The following PTPRD variants were observed in gnomAD, a reference collection of about 807,000 sequenced individuals.
PTPRD encodes the protein receptor-type tyrosine-protein phosphatase delta.
Under a neutral mutation model 214.5 loss-of-function variants are expected in PTPRD, and 34 were observed. The ratio of observed to expected loss-of-function variants is 0.16; its 90% CI spans 0.12 to 0.21. The LOEUF (loss-of-function observed/expected upper bound fraction) is 0.21. Ranked by LOEUF, PTPRD falls within the 10% of genes least tolerant of loss-of-function variation. The pLI is 1.00. For synonymous variants in PTPRD, 1,128 were observed against 845.7 expected, an observed-to-expected ratio of 1.33 and a Z score of -5.79; for missense variants, 2,545 against 2,398.7, an observed-to-expected ratio of 1.06 and a Z score of -1.27.
chr9:9,067,224 C>G (rs1409297933), intron 10 of PTPRD, among the ~76,000 whole-genome samples: 2 of 152,260 alleles, frequency 1.3e-5, no homozygotes, highest in East Asian at 1.9e-4. Context: ...GAGTGAGACT[C>G]CGTCTCAAAA....
intron 12 of PTPRD, among the ~76,000 whole-genome samples, chr9:8,683,093 G>A (rs772297056): frequency 1.4e-4 from 22 of 152,138 alleles, no homozygotes; most frequent in Non-Finnish European, 2.8e-4. Flanking sequence ...ACTTTTGTAA[G>A]AGGAATATAA....
chr9:9,853,604 G>A (rs953221114), intron 5 of PTPRD, among the ~76,000 whole-genome samples: 2 of 151,712 alleles, frequency 1.3e-5, no homozygotes, highest in East Asian at 1.9e-4. Context: ...GCTGGAGTGC[G>A]GTGGTACTAT....
At chr9:10,425,723 T>C (rs1453828470) in intron 2 of PTPRD, among the ~76,000 whole-genome samples, 1 of 151,970 alleles carries the variant, frequency 6.6e-6, no homozygotes, top group Admixed American at 6.6e-5. Context: ...TGAGCCACAC[T>C]TCACGGCTCA....
chr9:8,929,843 G>GTATATA (rs1588232576), intron 11 of PTPRD, among the ~76,000 whole-genome samples: 1 of 46,236 alleles, frequency 2.2e-5, no homozygotes. Flanking sequence ...GTATATATAT[G>GTATATA]TGTGTATATA....
chr9:9,438,519 G>A (rs2086215946), intron 8 of PTPRD, among the ~76,000 whole-genome samples: 1 of 152,150 alleles, frequency 6.6e-6, no homozygotes, highest in Non-Finnish European at 1.5e-5. Flanking sequence ...TGTACAGGCA[G>A]TTCACAAAGG....
At chr9:10,126,436 C>CAT (rs1418997299) in intron 3 of PTPRD, among the ~76,000 whole-genome samples, 1 of 136,488 alleles carries the variant, frequency 7.3e-6, no homozygotes, top group Non-Finnish European at 1.7e-5. Flanking sequence ...TACACACACA[C>CAT]ACACACACAC....
chr9:9,875,404 A>G (rs1026412018), intron 5 of PTPRD, among the ~76,000 whole-genome samples: 1 of 152,112 alleles, frequency 6.6e-6, no homozygotes, highest in Non-Finnish European at 1.5e-5. Flanking sequence ...CTTTAAAAAT[A>G]CAAAGGCTGG....
At chr9:9,149,029 G>T (rs1436345954) in intron 10 of PTPRD, among the ~76,000 whole-genome samples, 1 of 152,250 alleles carries the variant, frequency 6.6e-6, no homozygotes, top group Non-Finnish European at 1.5e-5. Flanking sequence ...TTATAATGAA[G>T]AACTTTATTT....
chr9:8,882,705 T>C (rs1023481770), intron 11 of PTPRD, among the ~76,000 whole-genome samples: 2 of 151,620 alleles, frequency 1.3e-5, no homozygotes, highest in Non-Finnish European at 2.9e-5. Flanking sequence ...GCCGACATAG[T>C]GAAACCCCGC....
At chr9:10,208,661 T>C (rs1336672053) in intron 3 of PTPRD, among the ~76,000 whole-genome samples, 2 of 152,262 alleles carry the variant, frequency 1.3e-5, no homozygotes, top group Non-Finnish European at 2.9e-5. Flanking sequence ...TCCCCCATTT[T>C]GTTTTAACAA....
intron 8 of PTPRD, among the ~76,000 whole-genome samples, chr9:9,489,642 G>C (rs1179257766): frequency 6.6e-6 from 1 of 152,014 alleles, no homozygotes; most frequent in Non-Finnish European, 1.5e-5. Context: ...AGGATATAGA[G>C]GGCTTCAAGG....
intron 9 of PTPRD, among the ~76,000 whole-genome samples, chr9:9,234,074 G>C (rs2099964941): frequency 6.6e-6 from 1 of 152,200 alleles, no homozygotes; most frequent in Admixed American, 6.5e-5. Flanking sequence ...CCCTAGCAGA[G>C]GTTCTCCATG....
rs79922349 is a variant in PTPRD, at chr9:10,452,982, C to T, written c.-599-111965G>A. Among the ~76,000 whole-genome samples, 591 of 151,588 alleles carry T rather than the reference C, an allele frequency of 3.9e-3. 3 individuals carry two copies. Among genetic ancestry groups the T allele is most frequent in the African/African-American group, 0.014 (566 of 41,444 alleles). On this transcript the variant is annotated intron_variant, in intron 2 of 45. Coordinates refer to ENST00000381196, the MANE Select transcript of PTPRD (RefSeq NM_002839.4). ...ACCTTATATTTAGAGATCCTTAATC[C>T]ATTTTGAGTTGATTTTTGTGTGTGG...
At chr9:8,549,782 T>A (rs1203037440) in intron 14 of PTPRD, among the ~76,000 whole-genome samples, 1 of 152,188 alleles carries the variant, frequency 6.6e-6, no homozygotes, top group African/African-American at 2.4e-5. Flanking sequence ...ATAATTCTAA[T>A]GGTAGCTTAG....
chr9:8,817,661 C>CAA (rs1407827945), intron 11 of PTPRD, among the ~76,000 whole-genome samples: 1 of 152,096 alleles, frequency 6.6e-6, no homozygotes, highest in African/African-American at 2.4e-5. Flanking sequence ...CAAAACAAAA[C>CAA]AAAATAAAAT....
chr9:9,833,774 C>A (rs1008027182), intron 5 of PTPRD, among the ~76,000 whole-genome samples: 1 of 151,858 alleles, frequency 6.6e-6, no homozygotes, highest in African/African-American at 2.4e-5. Context: ...ATATTTCTCC[C>A]ATTTGCTTTT....
chr9:9,073,351 G>T (rs1410610478), intron 10 of PTPRD, among the ~76,000 whole-genome samples: 1 of 152,002 alleles, frequency 6.6e-6, no homozygotes, highest in African/African-American at 2.4e-5. Flanking sequence ...GGACAATATG[G>T]GACTTCTTTT....
At chr9:8,964,123 G>C (rs1398592688) in intron 11 of PTPRD, among the ~76,000 whole-genome samples, 1 of 142,866 alleles carries the variant, frequency 7.0e-6, no homozygotes, top group Non-Finnish European at 1.5e-5. Flanking sequence ...AGTTTCAGTA[G>C]AATTGGTACT....
At chr9:8,721,646 C>T (rs2098500067) in intron 12 of PTPRD, among the ~76,000 whole-genome samples, 1 of 152,156 alleles carries the variant, frequency 6.6e-6, no homozygotes, top group Non-Finnish European at 1.5e-5. Context: ...AAACACCTTA[C>T]ATTGCTTAAC....
Sources: allele counts gnomAD v4.1 joint callset (sites outside exome capture counted in the v4.1 genomes callset), GRCh38; gene constraint gnomAD v4.1.1; transcripts MANE v1.5; gene names NCBI Gene and HGNC (gene_info 2026-07-23, HGNC 2026-07-21).